The following PPM1H variants were observed in gnomAD, a reference collection of about 807,000 sequenced individuals.
PPM1H encodes protein phosphatase 1H.
In PPM1H, 27 loss-of-function variants were observed where a neutral mutation model predicts 54.9. The observed-to-expected ratio is 0.49, with a 90% CI of 0.36 to 0.68. The LOEUF (loss-of-function observed/expected upper bound fraction) is 0.68, where lower values mean the gene tolerates loss of function less well. Among genes scored for constraint, PPM1H ranks in the 30% least tolerant of loss-of-function variants. The probability of loss-of-function intolerance (pLI) is 0.00; values close to 1 mark genes in which losing one functional copy is unlikely to be tolerated. For synonymous variants in PPM1H, 305 were observed against 270.8 expected (o/e 1.13, Z -1.24); for missense variants, 596 against 667.8 (o/e 0.89, Z 1.19).
rs201999356 is a variant in PPM1H at position 62,689,839 on chromosome 12, C to T, written c.1138-33G>A. 860 of 1,474,472 alleles carry T rather than the reference C, an allele frequency of 5.8e-4. 2 individuals carry two copies. Among genetic ancestry groups the T allele is most frequent in the Non-Finnish European group, 7.5e-4 (800 of 1,060,726 alleles). The allele number at this position is 1,474,472 out of a possible 1,614,324, so 91.3% of individuals were successfully genotyped here. A position where few individuals can be genotyped will look rare whatever the true frequency, so the allele number is the denominator to read the frequency against. ...TATAAGCAGAGGGTCATCAGAAACA[C>T]GCACACAGTGAAAGCATCCCATTCC... On this transcript the variant is annotated intron_variant, in intron 7 of 9. Transcript: ENST00000228705.
chr12:62,861,766 T>C (rs1354012178), intron 1 of PPM1H, among the ~76,000 whole-genome samples: 1 of 152,170 alleles, frequency 6.6e-6, no homozygotes, highest in Non-Finnish European at 1.5e-5. Context: ...ATGCTGTATC[T>C]AGGGCACCGT....
intron 1 of PPM1H, among the ~76,000 whole-genome samples, chr12:62,909,275 G>A (rs1042373042): frequency 7.2e-5 from 11 of 152,002 alleles, no homozygotes; most frequent in Non-Finnish European, 1.6e-4. Flanking sequence ...TCCTGCTTTT[G>A]CCCCTGCTAG....
At chr12:62,732,928 T>C (rs1230112396) in intron 5 of PPM1H, among the ~76,000 whole-genome samples, 1 of 152,194 alleles carries the variant, frequency 6.6e-6, no homozygotes, top group Non-Finnish European at 1.5e-5. Context: ...TTAAGGAAGA[T>C]GATACAACTA....
At chr12:62,659,411 A>C (rs2075869694) in intron 9 of PPM1H, among the ~76,000 whole-genome samples, 1 of 152,204 alleles carries the variant, frequency 6.6e-6, no homozygotes, top group Admixed American at 6.5e-5. Flanking sequence ...AGGGTCAGAA[A>C]GATCATACAG....
intron 9 of PPM1H, among the ~76,000 whole-genome samples, chr12:62,650,792 C>T (rs747499092): frequency 4.6e-5 from 7 of 152,058 alleles, no homozygotes; most frequent in Non-Finnish European, 1.0e-4. Flanking sequence ...CACTCACTAT[C>T]GTAAGAACAG....
intron 1 of PPM1H, among the ~76,000 whole-genome samples, chr12:62,841,209 A>G (rs763632921): frequency 6.6e-5 from 10 of 152,190 alleles, no homozygotes; most frequent in Non-Finnish European, 1.5e-5. Context: ...AGTACAAGGT[A>G]CCAGAAATTT....
intron 5 of PPM1H, among the ~76,000 whole-genome samples, chr12:62,729,046 C>T (rs1486879265): frequency 2.0e-5 from 3 of 152,122 alleles, no homozygotes; most frequent in African/African-American, 2.4e-5. Flanking sequence ...GGAATTCATG[C>T]AACTAACATT....
chr12:62,688,932 G>T (rs2076069228), intron 8 of PPM1H, among the ~76,000 whole-genome samples: 1 of 152,212 alleles, frequency 6.6e-6, no homozygotes, highest in African/African-American at 2.4e-5. Flanking sequence ...GGAGACAGAA[G>T]TTGCAGTTAG....
chr12:62,667,330 C>G lies in PPM1H; in HGVS notation c.1246-1G>C. Reference sequence around the variant, plus strand: ...ATTTTGAAAGATCGTAGATTCTTACCTGAAAAAAAACAAGAATACTACCAC... The same window carrying G: ...ATTTTGAAAGATCGTAGATTCTTACGTGAAAAAAAACAAGAATACTACCAC... On this transcript the variant is annotated splice_acceptor_variant, in intron 8 of 9. Transcript: ENST00000228705. LOFTEE classifies it high-confidence loss of function. The G allele has an allele frequency of 1.3e-6, 2 of 1,571,102 alleles. No individual in the cohort carries two copies. Among genetic ancestry groups the G allele is most frequent in the Non-Finnish European group, 1.7e-6 (2 of 1,158,252 alleles).
chr12:62,819,990 C>T (rs369714034), intron 2 of PPM1H, among the ~76,000 whole-genome samples: 7 of 152,210 alleles, frequency 4.6e-5, no homozygotes, highest in East Asian at 1.9e-4. Context: ...ACCTGGGAAG[C>T]GCAAGGGGTC....
At chr12:62,894,239 G>A (rs750530227) in intron 1 of PPM1H, among the ~76,000 whole-genome samples, 43 of 152,322 alleles carry the variant, frequency 2.8e-4, no homozygotes, top group African/African-American at 4.8e-4. Context: ...AATAACTTCC[G>A]TGGCAGAGGC....
chr12:62,707,825 A>C (rs1425878761), intron 6 of PPM1H, among the ~76,000 whole-genome samples: 1 of 152,076 alleles, frequency 6.6e-6, no homozygotes, highest in East Asian at 1.9e-4. Flanking sequence ...TCACTTAATG[A>C]ATAGTAGTTG....
chr12:62,899,186 G>GGGA (rs1871084388), intron 1 of PPM1H, among the ~76,000 whole-genome samples: 1 of 152,126 alleles, frequency 6.6e-6, no homozygotes, highest in Admixed American at 6.6e-5. Context: ...ACTCCTAGGT[G>GGGA]CACTTTTGTA....
intron 1 of PPM1H, among the ~76,000 whole-genome samples, chr12:62,929,533 T>G (rs773355762): frequency 5.8e-4 from 89 of 152,286 alleles, no homozygotes; most frequent in Admixed American, 9.8e-4. Context: ...TGCTGTAACC[T>G]TAATTGAAAG....
intron 9 of PPM1H, among the ~76,000 whole-genome samples, chr12:62,654,642 A>C (rs1317643708): frequency 1.3e-5 from 2 of 151,980 alleles, no homozygotes; most frequent in Non-Finnish European, 2.9e-5. Context: ...TCGGTCTCTC[A>C]CTCTGCCTTT....
intron 7 of PPM1H, among the ~76,000 whole-genome samples, chr12:62,691,772 G>A (rs1352702716): frequency 3.4e-5 from 5 of 148,654 alleles, no homozygotes; most frequent in Admixed American, 6.8e-5. Context: ...GAAGTGAGCC[G>A]AGATTGTGCC....
At chr12:62,731,291 C>G (rs2076319382) in intron 5 of PPM1H, among the ~76,000 whole-genome samples, 1 of 152,022 alleles carries the variant, frequency 6.6e-6, no homozygotes, top group Non-Finnish European at 1.5e-5. Context: ...CAGACATTCT[C>G]CCAGGGAGCA....
At chr12:62,763,607 G>A (rs571594778) in intron 4 of PPM1H, among the ~76,000 whole-genome samples, 29 of 152,298 alleles carry the variant, frequency 1.9e-4, no homozygotes, top group African/African-American at 6.3e-4. Context: ...TAGAACACTT[G>A]TCAAATACAG....
At chr12:62,898,546 A>G (rs1871064762) in intron 1 of PPM1H, among the ~76,000 whole-genome samples, 1 of 152,248 alleles carries the variant, frequency 6.6e-6, no homozygotes, top group Non-Finnish European at 1.5e-5. Context: ...GCAAACATAC[A>G]CAAATCACAA....
Sources: gnomAD v4.1 joint callset for allele counts (sites outside exome capture counted in the v4.1 genomes callset) on GRCh38, gnomAD v4.1.1 for gene constraint, MANE v1.5 for transcripts, NCBI Gene and HGNC (gene_info 2026-07-23, HGNC 2026-07-21) for gene names.